The following CAMK2D variants were observed in gnomAD, a reference collection of about 807,000 sequenced individuals.
CAMK2D encodes calcium/calmodulin dependent protein kinase II delta, also known as calcium/calmodulin-dependent protein kinase type II subunit delta.
CAMK2D carries 37 observed loss-of-function variants against 84.0 expected under a neutral mutation model. That is an observed-to-expected ratio of 0.44 (90% CI 0.34 to 0.58). CAMK2D has a LOEUF of 0.58. Ranked by LOEUF, CAMK2D falls within the 20% of genes least tolerant of loss-of-function variation. CAMK2D has a pLI of 0.02. For missense variants in CAMK2D, 448 were observed against 652.5 expected, an observed-to-expected ratio of 0.69 and a Z score of 3.41; for synonymous variants, 202 against 212.5, an observed-to-expected ratio of 0.95 and a Z score of 0.43.
chr4:113,724,468 A>T (rs1287492234), intron 2 of CAMK2D, among the ~76,000 whole-genome samples: 1 of 151,806 alleles, frequency 6.6e-6, no homozygotes. Flanking sequence ...ATCTATTAAA[A>T]TATGTAAGAA....
intron 2 of CAMK2D, among the ~76,000 whole-genome samples, chr4:113,734,653 T>G (rs1336492250): frequency 6.6e-6 from 1 of 152,170 alleles, no homozygotes; most frequent in African/African-American, 2.4e-5. Flanking sequence ...AAGAACCAGC[T>G]GACAGCCTAG....
At chr4:113,672,733 G>A (rs1475024028) in intron 2 of CAMK2D, among the ~76,000 whole-genome samples, 1 of 151,050 alleles carries the variant, frequency 6.6e-6, no homozygotes, top group East Asian at 1.9e-4. Context: ...TATATTCTTT[G>A]TTTACCACAT....
intron 15 of CAMK2D, 39 bp from the exon 16 acceptor site, chr4:113,500,550 G>A (rs201187602): frequency 3.6e-5 from 51 of 1,407,712 alleles, no homozygotes; most frequent in Non-Finnish European, 4.1e-5. Context: ...TGCACGCAAT[G>A]AATAGCTTGA....
At chr4:113,547,208 C>T (rs2023831) in intron 6 of CAMK2D, among the ~76,000 whole-genome samples, 1,624 of 152,188 alleles carry the variant, frequency 0.011, 40 homozygotes, top group African/African-American at 0.037. Flanking sequence ...ATCGTTTAGG[C>T]TAAAACTTCA....
At chr4:113,596,676 C>T (rs1196311033) in intron 4 of CAMK2D, among the ~76,000 whole-genome samples, 1 of 134,010 alleles carries the variant, frequency 7.5e-6, no homozygotes, top group Non-Finnish European at 1.7e-5. Flanking sequence ...CATTTTTCTT[C>T]CCCCCCAGGC....
chr4:113,602,770 TAC>T (rs1370176053), intron 4 of CAMK2D, among the ~76,000 whole-genome samples: 2 of 152,232 alleles, frequency 1.3e-5, no homozygotes, highest in Non-Finnish European at 2.9e-5. Flanking sequence ...GAACGTATTA[TAC>T]ACAGTTTAAT....
chr4:113,735,288 GGAAAAAAAAAAAAAAAAAA>G (rs1182057312), intron 2 of CAMK2D, among the ~76,000 whole-genome samples: 9 of 59,002 alleles, frequency 1.5e-4, no homozygotes, highest in South Asian at 7.4e-4. Flanking sequence ...CATCTCTACA[GGAAAAAAAAAAAAAAAAAA>G]AAAAAAAAAA....
chr4:113,657,082 T>C (rs773395932), intron 3 of CAMK2D, among the ~76,000 whole-genome samples: 7 of 152,104 alleles, frequency 4.6e-5, no homozygotes, highest in Non-Finnish European at 8.8e-5. Flanking sequence ...AAATCTTCCA[T>C]CCACTGACCC....
intron 2 of CAMK2D, chr4:113,679,637 T>C (rs1471694191): frequency 6.5e-6 from 1 of 154,434 alleles, no homozygotes; most frequent in Admixed American, 6.6e-5. Flanking sequence ...GAACATAAAA[T>C]AATTTTAAGC....
At chr4:113,542,472 T>C (rs2098536728) in intron 6 of CAMK2D, among the ~76,000 whole-genome samples, 1 of 152,094 alleles carries the variant, frequency 6.6e-6, no homozygotes, top group African/African-American at 2.4e-5. Context: ...TCCCAGCACT[T>C]TGGGAGGCCG....
intron 3 of CAMK2D, among the ~76,000 whole-genome samples, chr4:113,614,950 T>C (rs2099015438): frequency 1.3e-5 from 2 of 152,198 alleles, no homozygotes; most frequent in African/African-American, 4.8e-5. Flanking sequence ...ATGATACTAA[T>C]AGAGTAATTC....
chr4:113,713,475 C>A (rs1310513098), intron 2 of CAMK2D, among the ~76,000 whole-genome samples: 1 of 147,224 alleles, frequency 6.8e-6, no homozygotes, highest in Non-Finnish European at 1.5e-5. Flanking sequence ...TGTAATATAA[C>A]AACATTATTA....
At chr4:113,457,130 C>CT in intron 19 of CAMK2D, 2 of 1,337,452 alleles carry the variant, frequency 1.5e-6, no homozygotes, top group Non-Finnish European at 2.0e-6. Context: ...ATATACTGCT[C>CT]TATAGCAAGT....
chr4:113,619,474 T>C (rs72678772), intron 3 of CAMK2D, among the ~76,000 whole-genome samples: 1 of 152,220 alleles, frequency 6.6e-6, no homozygotes, highest in Non-Finnish European at 1.5e-5. Context: ...GCCTAAAAGG[T>C]CCCTCGCTCC....
intron 4 of CAMK2D, 29 bp from the exon 5 acceptor site, chr4:113,552,125 T>C (rs746609267): frequency 5.3e-6 from 7 of 1,310,816 alleles, no homozygotes; most frequent in Non-Finnish European, 2.2e-6. Context: ...TAATCACTTT[T>C]AAAAAGAAGC....
intron 4 of CAMK2D, among the ~76,000 whole-genome samples, chr4:113,584,342 G>A (rs7665102): frequency 0.7 from 106,820 of 152,104 alleles, 37,708 homozygotes; most frequent in Middle Eastern, 0.75. Flanking sequence ...TTCAAAGCCC[G>A]AAGGCTGTGT....
At position 113,452,959 on chromosome 4, in the gene CAMK2D, G is replaced by A. The variant is rs1461147750; in HGVS notation, c.*1586C>T. 3 of 152,394 alleles carry A rather than the reference G, an allele frequency of 2.0e-5. No individual in the cohort carries two copies. The highest frequency in any genetic ancestry group is 4.4e-5 in the Non-Finnish European group (3 of 67,988). 9.4% of individuals were successfully genotyped at this position (152,394 alleles called of 1,614,324 possible). On this transcript the variant is annotated 3_prime_UTR_variant, in exon 21 of 21. Coordinates refer to ENST00000511664, the MANE Select transcript of CAMK2D (RefSeq NM_001321571.2). Reference sequence around the variant, plus strand: ...AGGTGAGATGAGAGAAAAGAGGAAGGGTTGTTTTTGTTATTTTGTTTTTCT... The same window carrying A: ...AGGTGAGATGAGAGAAAAGAGGAAGAGTTGTTTTTGTTATTTTGTTTTTCT...
At chr4:113,732,381 C>T (rs2099571106) in intron 2 of CAMK2D, among the ~76,000 whole-genome samples, 1 of 152,068 alleles carries the variant, frequency 6.6e-6, no homozygotes, top group African/African-American at 2.4e-5. Flanking sequence ...CATGGGCCTC[C>T]CAAAATGCTG....
chr4:113,503,653 A>G (rs2098086917), intron 14 of CAMK2D, among the ~76,000 whole-genome samples: 2 of 151,806 alleles, frequency 1.3e-5, no homozygotes, highest in Non-Finnish European at 2.9e-5. Context: ...TAAATCCTGT[A>G]TTAATTCATA....
Sources: allele counts gnomAD v4.1 joint callset (sites outside exome capture counted in the v4.1 genomes callset), GRCh38; gene constraint gnomAD v4.1.1; transcripts MANE v1.5; gene names NCBI Gene and HGNC (gene_info 2026-07-23, HGNC 2026-07-21).